KCNIP4: variants seen among roughly 807,000 people sequenced by gnomAD.
KCNIP4 encodes the protein Kv channel-interacting protein 4.
In KCNIP4, 12 loss-of-function variants were observed where a neutral mutation model predicts 34.0. The observed-to-expected ratio is 0.35, with a 90% confidence interval of 0.23 to 0.57. The LOEUF is 0.57. KCNIP4 is among the 20% of genes least tolerant of loss of function. The probability of loss-of-function intolerance (pLI) is 0.83; values close to 1 mark genes in which losing one functional copy is unlikely to be tolerated. For synonymous variants in KCNIP4, 124 were observed against 102.2 expected (o/e 1.21, Z -1.29); for missense variants, 238 against 311.7 (o/e 0.76, Z 1.78).
At chr4:21,464,675 A>G (rs1181027336) in intron 1 of KCNIP4, 1 of 151,920 alleles carries the variant, frequency 6.6e-6, no homozygotes, top group African/African-American at 2.4e-5. Context: ...TTTTTCTATC[A>G]CGCCTAGTTG....
In KCNIP4 at chr4:21,470,823, C is replaced by CAAA. The variant is rs61211007; in HGVS notation, c.61+477745_61+477747dup. On this transcript the variant is annotated intron_variant, in intron 1 of 8. Transcript: ENST00000382152. ...CAAGGGCCAGCTGTTGATAATTTAA[C>CAAA]AAAAAAAAAAAAGTCCTCTTTGAAA... Among the ~76,000 whole-genome samples, 9 of 148,274 alleles carry CAAA rather than the reference C, an allele frequency of 6.1e-5. No individual in the cohort carries two copies. The South Asian group carries it at 8.6e-4, about 14-fold the overall frequency.
At chr4:21,319,855 A>G (rs190780990) in intron 1 of KCNIP4, among the ~76,000 whole-genome samples, 38 of 152,320 alleles carry the variant, frequency 2.5e-4, no homozygotes, top group African/African-American at 7.0e-4. Flanking sequence ...AATCAACTTG[A>G]TGAGTTCATG....
chr4:21,046,578 A>AATTTATTT (rs150325780), intron 1 of KCNIP4, among the ~76,000 whole-genome samples: 8,726 of 117,924 alleles, frequency 0.074, 321 homozygotes, highest in East Asian at 0.16. Flanking sequence ...GTTACTAGCT[A>AATTTATTT]ATTTATTTAT....
At position 20,847,235 on chromosome 4, in the gene KCNIP4, A is replaced by G. The variant is rs1007790265; in HGVS notation, c.288+3308T>C. On this transcript the variant is annotated intron_variant, in intron 3 of 8. Coordinates refer to ENST00000382152, the MANE Select transcript of KCNIP4 (RefSeq NM_025221.6). ...TCATTATCCCAGTTTATAGACAAAG[A>G]CACATCGTCTCCTGAGTCAGAGGGA... is the stretch of plus-strand genomic sequence containing the variant. Among the ~76,000 whole-genome samples, 11 of 152,290 alleles carry G rather than the reference A, an allele frequency of 7.2e-5. No individual in the cohort carries two copies. The South Asian group carries it at 2.1e-3, about 29-fold the overall frequency.
intron 3 of KCNIP4, among the ~76,000 whole-genome samples, chr4:20,776,652 C>T (rs1756396152): frequency 6.6e-6 from 1 of 152,166 alleles, no homozygotes; most frequent in Non-Finnish European, 1.5e-5. Context: ...CCTAATTCTA[C>T]CGTTAGGAAA....
At chr4:21,158,856 G>A (rs1368639) in intron 1 of KCNIP4, among the ~76,000 whole-genome samples, 50,937 of 152,004 alleles carry the variant, frequency 0.34, 8,657 homozygotes, top group South Asian at 0.38. Flanking sequence ...TGACAGAACT[G>A]TCTATGTATA....
intron 1 of KCNIP4, among the ~76,000 whole-genome samples, chr4:20,908,225 G>C (rs556767092): frequency 2.6e-5 from 4 of 151,388 alleles, no homozygotes; most frequent in Admixed American, 2.6e-4. Flanking sequence ...TCAGCCTCCT[G>C]AGTAGCTGCG....
At chr4:20,802,363 A>G (rs1714439935) in intron 3 of KCNIP4, among the ~76,000 whole-genome samples, 2 of 151,552 alleles carry the variant, frequency 1.3e-5, no homozygotes, top group African/African-American at 4.8e-5. Context: ...TACACAATGT[A>G]AATAGTTATA....
At chr4:20,826,428 T>TC (rs1717767197) in intron 3 of KCNIP4, among the ~76,000 whole-genome samples, 1 of 151,308 alleles carries the variant, frequency 6.6e-6, no homozygotes, top group Admixed American at 6.6e-5. Context: ...TTTTTTTTTT[T>TC]CCAAAATTTA....
At chr4:21,054,811 T>A (rs1235262587) in intron 1 of KCNIP4, among the ~76,000 whole-genome samples, 1 of 149,360 alleles carries the variant, frequency 6.7e-6, no homozygotes, top group Non-Finnish European at 1.5e-5. Context: ...AACTGTAAAA[T>A]TCCTAGGAGA....
intron 3 of KCNIP4, among the ~76,000 whole-genome samples, chr4:20,769,445 C>T (rs574943777): frequency 1.4e-4 from 21 of 152,056 alleles, no homozygotes; most frequent in Non-Finnish European, 2.4e-4. Flanking sequence ...ATCCAGAAGA[C>T]AGTGTCCATT....
intron 1 of KCNIP4, among the ~76,000 whole-genome samples, chr4:21,584,806 T>C (rs902179038): frequency 6.6e-6 from 1 of 152,056 alleles, no homozygotes; most frequent in Non-Finnish European, 1.5e-5. Flanking sequence ...GAAAGATTGA[T>C]AGTGATGAGA....
chr4:21,021,327 CT>C (rs1740012912), intron 1 of KCNIP4, among the ~76,000 whole-genome samples: 1 of 152,162 alleles, frequency 6.6e-6, no homozygotes. Context: ...GTGAATATTA[CT>C]TTATAAACAT....
intron 3 of KCNIP4, among the ~76,000 whole-genome samples, chr4:20,814,899 A>C (rs1438158764): frequency 1.3e-5 from 2 of 152,328 alleles, no homozygotes; most frequent in East Asian, 1.9e-4. Context: ...CATTTCTGAT[A>C]GTTTTCTAAT....
chr4:21,060,077 T>C (rs887868185), intron 1 of KCNIP4, among the ~76,000 whole-genome samples: 8 of 152,174 alleles, frequency 5.3e-5, no homozygotes, highest in Non-Finnish European at 1.2e-4. Context: ...ATAAAAATTT[T>C]GTTTCATTAT....
intron 1 of KCNIP4, among the ~76,000 whole-genome samples, chr4:21,193,732 C>T (rs941101524): frequency 6.6e-6 from 1 of 151,934 alleles, no homozygotes; most frequent in African/African-American, 2.4e-5. Flanking sequence ...CCACCACGCC[C>T]GGCTAATTTT....
chr4:20,816,350 G>C (rs1356128405), intron 3 of KCNIP4, among the ~76,000 whole-genome samples: 1 of 151,942 alleles, frequency 6.6e-6, no homozygotes, highest in Non-Finnish European at 1.5e-5. Flanking sequence ...GAGGTAGGGA[G>C]AACACTTTAG....
At chr4:21,528,683 GAAA>G in intron 1 of KCNIP4, among the ~76,000 whole-genome samples, 1 of 2,468 alleles carries the variant, frequency 4.1e-4, no homozygotes, top group African/African-American at 1.6e-3. Context: ...AACAAAGAAA[GAAA>G]GAAAGAAAGA....
At chr4:21,697,204 A>T in intron 1 of KCNIP4, 1 of 1,200,982 alleles carries the variant, frequency 8.3e-7, no homozygotes, top group Non-Finnish European at 1.1e-6. Flanking sequence ...TAGAAACATA[A>T]ATCTCAGCAA....
Sources: allele counts gnomAD v4.1 joint callset (sites outside exome capture counted in the v4.1 genomes callset), GRCh38; gene constraint gnomAD v4.1.1; transcripts MANE v1.5; gene names NCBI Gene and HGNC (gene_info 2026-07-23, HGNC 2026-07-21).